The following GNAS variants were observed in gnomAD, a reference collection of about 807,000 sequenced individuals.
The protein encoded by GNAS is protein ALEX.
GNAS carries 8 observed loss-of-function variants against 54.5 expected under a neutral mutation model. That is an observed-to-expected ratio of 0.15 (90% confidence interval 0.09 to 0.26). The LOEUF (loss-of-function observed/expected upper bound fraction) is 0.26, where lower values mean the gene tolerates loss of function less well. GNAS is among the 10% of genes least tolerant of loss of function. GNAS has a pLI of 1.00. For synonymous variants in GNAS, 204 were observed against 191.4 expected, an observed-to-expected ratio of 1.07 and a Z score of -0.54; for missense variants, 170 against 529.8, an observed-to-expected ratio of 0.32 and a Z score of 6.67.
intron 1 of GNAS, chr20:58,854,467 A>G: frequency 6.3e-7 from 1 of 1,581,808 alleles, no homozygotes; most frequent in East Asian, 2.3e-5. Context: ...GCCCCAGCCG[A>G]TCCTGACTCC....
chr20:58,846,351 AT>A (rs1488363116), intron 1 of GNAS, among the ~76,000 whole-genome samples: 3 of 152,210 alleles, frequency 2.0e-5, no homozygotes, highest in Admixed American at 6.5e-5. Context: ...TAGGAAGGGC[AT>A]TTTTAAAAGC....
At chr20:58,842,358 C>T (rs1600663902) in intron 1 of GNAS, 1 of 397,938 alleles carries the variant, frequency 2.5e-6, no homozygotes, top group Non-Finnish European at 4.4e-6. Context: ...AATAGTAAAG[C>T]GTTTTGAGGG....
intron 3 of GNAS, chr20:58,899,588 CTTTTA>C: frequency 1.8e-6 from 1 of 562,032 alleles, no homozygotes; most frequent in South Asian, 1.5e-5. Flanking sequence ...ATGATGGCAT[CTTTTA>C]TTTTTCCATT....
At chr20:58,881,677 A>G (rs2088229230) in intron 1 of GNAS, 1 of 152,150 alleles carries the variant, frequency 6.6e-6, no homozygotes, top group Admixed American at 6.5e-5. Context: ...ACCTCAGGTT[A>G]AACCCATGGA....
chr20:58,892,044 C>CGGGCGGGGGCTCAAAAACG, intron 1 of GNAS, 179 bp downstream of exon 1: 1 of 855,698 alleles, frequency 1.2e-6, no homozygotes, highest in Non-Finnish European at 1.4e-6. Context: ...CGGATTCGGC[C>CGGGCGGGGGCTCAAAAACG]GGGCGGGGGC....
chr20:58,907,144 G>T (rs992166932), intron 6 of GNAS, among the ~76,000 whole-genome samples: 1 of 152,150 alleles, frequency 6.6e-6, no homozygotes, highest in Non-Finnish European at 1.5e-5. Context: ...AGGTAATACT[G>T]TTCATCTATA....
At chr20:58,858,734 G>T (rs1168155027) in intron 1 of GNAS, among the ~76,000 whole-genome samples, 1 of 152,114 alleles carries the variant, frequency 6.6e-6, no homozygotes, top group African/African-American at 2.4e-5. Context: ...GCCACCAAGT[G>T]CAACAGTATG....
chr20:58,853,283 C>T lies in GNAS; in HGVS notation c.43+12397C>T, dbSNP rs1227911870. 1 of 1,548,462 alleles carries T rather than the reference C, an allele frequency of 6.5e-7. No homozygotes were observed. Among genetic ancestry groups the T allele is most frequent in the African/African-American group, 1.4e-5 (1 of 72,980 alleles). On this transcript the variant is annotated intron_variant, in intron 1 of 12. Coordinates refer to the GNAS transcript ENST00000306090. The surrounding 1 kb of genome is among the most constrained non-coding windows in gnomAD (Gnocchi z 4.4). The stretch of plus-strand genomic sequence containing the variant: ...ACCGTGTTATGGGCGTGCGCAACTG[C>T]CTCTACGGCAATAATATGTCAGGAC...
intron 1 of GNAS, among the ~76,000 whole-genome samples, chr20:58,859,628 CTT>C (rs527301154): frequency 1.9e-4 from 27 of 138,802 alleles, no homozygotes; most frequent in African/African-American, 5.0e-4. Context: ...ATATCAGACA[CTT>C]TTTTTTTTTT....
chr20:58,893,973 G>C (rs780912126), intron 1 of GNAS, among the ~76,000 whole-genome samples: 10 of 152,190 alleles, frequency 6.6e-5, no homozygotes, highest in Non-Finnish European at 1.0e-4. Context: ...ATGATGTATT[G>C]ATTGCCTCTG....
In GNAS at chr20:58,910,678, C is replaced by T. The variant is rs777248900; in HGVS notation, c.1039-5C>T. The T allele has an allele frequency of 1.7e-5, 27 of 1,613,910 alleles. No individual in the cohort carries two copies. Among genetic ancestry groups the T allele is most frequent in the Middle Eastern group, 1.6e-4 (1 of 6,084 alleles). On this transcript the variant is annotated splice_polypyrimidine_tract_variant and splice_region_variant and intron_variant, in intron 12 of 12. Transcript: ENST00000371085. The surrounding 1 kb of genome is among the most constrained non-coding windows in gnomAD (Gnocchi z 5.8). ...ACTGACAAGTCCCCTTGTTTGTGCC[C>T]GCAGAGGATCAGCACTGCCAGTGGA...
At position 58,857,390 on chromosome 20, in the gene GNAS, TC is replaced by T. The variant is rs2145599226; in HGVS notation, c.43+16507del. 6.6e-6 allele frequency among the ~76,000 whole-genome samples: 1 copy of T among 152,366 alleles called. No individual in the cohort carries two copies. Among genetic ancestry groups the T allele is most frequent in the East Asian group, 1.9e-4 (1 of 5,190 alleles). On this transcript the variant is annotated intron_variant, in intron 1 of 12. Transcript: ENST00000306090. The surrounding 1 kb of genome is among the most constrained non-coding windows in gnomAD (Gnocchi z 4.1). ...AACATTAAATGACAATGCACTGGTT[TC>T]CCTGCAGACAACTGATTTTGCCATA... is the stretch of plus-strand genomic sequence containing the variant.
At chr20:58,908,940 C>A (rs1057058260) in intron 6 of GNAS, 12 of 663,530 alleles carry the variant, frequency 1.8e-5, no homozygotes, top group Non-Finnish European at 3.3e-5. Flanking sequence ...TTCCCTGATT[C>A]CTAAAATTAT....
chr20:58,860,351 T>C (rs1479531084), intron 1 of GNAS, among the ~76,000 whole-genome samples: 1 of 152,048 alleles, frequency 6.6e-6, no homozygotes, highest in African/African-American at 2.4e-5. Context: ...TTTTTTGTTT[T>C]GTTTTGTTTT....
At position 58,910,469 on chromosome 20, in the gene GNAS, T is replaced by G; in HGVS notation, c.1038+68T>G. The G allele has an allele frequency of 7.6e-7, 1 of 1,319,096 alleles. No homozygotes were observed. Among genetic ancestry groups the G allele is most frequent in the Non-Finnish European group, 1.1e-6 (1 of 912,270 alleles). 81.7% of individuals were successfully genotyped at this position (1,319,096 alleles called of 1,614,324 possible). On this transcript the variant is annotated intron_variant, in intron 12 of 12. Transcript: ENST00000371085. The surrounding 1 kb of genome is among the most constrained non-coding windows in gnomAD (Gnocchi z 5.8). ...TTTTTCTCATGGATGTAAATTTACT[T>G]AATTCCAAATTCAGGGGTTCAGCTA...
chr20:58,874,789 C>G (rs1452759570), intron 1 of GNAS, among the ~76,000 whole-genome samples: 1 of 152,156 alleles, frequency 6.6e-6, no homozygotes, highest in East Asian at 1.9e-4. Flanking sequence ...CATCTTAGAT[C>G]CTGAGCTTTG....
At chr20:58,891,314 G>GCCT (rs1244369017), upstream of GNAS, 1,063 of 142,118 alleles carry the variant, frequency 7.5e-3, 69 homozygotes, top group East Asian at 0.17. Context: ...CGCCGCCGCC[G>GCCT]CCTCCTCCTC....
chr20:58,882,545 C>G (rs1244430674), intron 1 of GNAS, among the ~76,000 whole-genome samples: 4 of 152,202 alleles, frequency 2.6e-5, no homozygotes. Flanking sequence ...GGGCAAACAA[C>G]GAGTACACCT....
chr20:58,852,289 A>C (rs1234931890), intron 1 of GNAS, among the ~76,000 whole-genome samples: 1 of 152,064 alleles, frequency 6.6e-6, no homozygotes, highest in Non-Finnish European at 1.5e-5. Flanking sequence ...GCTTTACCGG[A>C]GCCAACCTCA....
Sources: gnomAD v4.1 joint callset for allele counts (sites outside exome capture counted in the v4.1 genomes callset) on GRCh38, gnomAD v4.1.1 for gene constraint, Gnocchi (gnomAD v3.1) non-coding constraint, MANE v1.5 for transcripts, NCBI Gene and HGNC (gene_info 2026-07-23, HGNC 2026-07-21) for gene names.